Variants in RPS6KC1 observed in about 807,000 individuals in gnomAD.
RPS6KC1 encodes the protein ribosomal protein S6 kinase C1, also known as inactive ribosomal protein S6 kinase delta-1.
In RPS6KC1, 54 loss-of-function variants were observed where a neutral mutation model predicts 103.8. The ratio of observed to expected loss-of-function variants is 0.52; its 90% CI spans 0.42 to 0.65. The LOEUF is 0.65. RPS6KC1 is among the 30% of genes least tolerant of loss of function. RPS6KC1 has a pLI of 0.00. For missense variants in RPS6KC1, 1,151 were observed against 1,253.8 expected (o/e 0.92, Z 1.24); for synonymous variants, 439 against 438.7 (o/e 1.00, Z -0.01).
At chr1:213,831,615 C>T in the RPS6KC1 span, among the ~76,000 whole-genome samples, 1 of 152,038 alleles carries the variant, frequency 6.6e-6, no homozygotes, top group African/African-American at 2.4e-5. Flanking sequence ...TAGCTTTCTC[C>T]TATGGAAACA....
chr1:213,396,502 T>C, the RPS6KC1 span, among the ~76,000 whole-genome samples: 3 of 152,210 alleles, frequency 2.0e-5, no homozygotes. Flanking sequence ...GGGCTGAGGC[T>C]GGACCACCGA....
chr1:213,490,848 G>T, the RPS6KC1 span, among the ~76,000 whole-genome samples: 2 of 152,144 alleles, frequency 1.3e-5, no homozygotes, highest in South Asian at 2.1e-4. Context: ...GGGGAAGTTC[G>T]CAGAATGGTT....
intron 8 of RPS6KC1, among the ~76,000 whole-genome samples, chr1:213,189,828 A>G (rs752808106): frequency 2.0e-5 from 3 of 152,090 alleles, no homozygotes; most frequent in Admixed American, 1.3e-4. Context: ...TCTGGTAACC[A>G]TCCTTCTACT....
chr1:213,765,326 C>G, the RPS6KC1 span, among the ~76,000 whole-genome samples: 2 of 152,132 alleles, frequency 1.3e-5, no homozygotes, highest in African/African-American at 2.4e-5. Context: ...AATCCCTCTC[C>G]GGGGAAAAAG....
chr1:213,272,606 C>T lies in RPS6KC1; in HGVS notation c.3173C>T (p.Pro1058Leu), dbSNP rs1468038637. 1.9e-6 allele frequency: 3 copies of T among 1,613,586 alleles called. No homozygotes were observed. The highest frequency in any genetic ancestry group is 1.7e-5 in the Admixed American group (1 of 60,014). Residue 1058 changes from proline to leucine, a missense_variant, in exon 15 of 15, where the codon CCT becomes CTT. This residue lies in a region of RPS6KC1 where 189 missense variants were observed against 228.8 expected (regional missense o/e 0.83). Coordinates refer to ENST00000366960, the MANE Select transcript of RPS6KC1 (RefSeq NM_012424.6). ...ATCAAATCTCATCCATTTTTTACCC[C>T]TGTGGATTGGGCAGAACTGATGAGA... is the stretch of plus-strand genomic sequence containing the variant. ...EDIKSHPFFT[P>L]VDWAELMR is the part of the protein sequence containing the mutation.
chr1:213,069,065 CAAAAATTTTTTTGAATT>C (rs2078628670), intron 1 of RPS6KC1, among the ~76,000 whole-genome samples: 1 of 151,816 alleles, frequency 6.6e-6, no homozygotes, highest in Non-Finnish European at 1.5e-5. Context: ...CTCTTTAATA[CAAAAATTTTTTTGAATT>C]AATTTAAATG....
At chr1:213,631,668 G>A in the RPS6KC1 span, among the ~76,000 whole-genome samples, 1 of 152,000 alleles carries the variant, frequency 6.6e-6, no homozygotes, top group Non-Finnish European at 1.5e-5. Flanking sequence ...TCCACCAGTA[G>A]CCTTCTAGTG....
chr1:213,851,492 CTT>C, the RPS6KC1 span, among the ~76,000 whole-genome samples: 2 of 152,186 alleles, frequency 1.3e-5, no homozygotes, highest in Admixed American at 6.5e-5. Flanking sequence ...GACACCCTCT[CTT>C]GACTCCAGGT....
intron 3 of RPS6KC1, among the ~76,000 whole-genome samples, chr1:213,087,869 C>A (rs1382033055): frequency 6.6e-6 from 1 of 152,168 alleles, no homozygotes; most frequent in Non-Finnish European, 1.5e-5. Flanking sequence ...TTCCTGTGTC[C>A]CTTGTTCCCC....
chr1:213,255,754 T>G (rs2094627913), intron 12 of RPS6KC1, among the ~76,000 whole-genome samples: 1 of 152,230 alleles, frequency 6.6e-6, no homozygotes, highest in Non-Finnish European at 1.5e-5. Context: ...TTTTTTCTGT[T>G]TTAACACCTA....
the RPS6KC1 span, chr1:213,821,687 C>G: frequency 1.1e-4 from 16 of 152,322 alleles, no homozygotes; most frequent in Admixed American, 7.9e-4. Flanking sequence ...CTGTTTCCCC[C>G]CCACACGTCT....
At chr1:213,412,299 A>G in the RPS6KC1 span, among the ~76,000 whole-genome samples, 1 of 152,220 alleles carries the variant, frequency 6.6e-6, no homozygotes, top group African/African-American at 2.4e-5. Context: ...TTAGAGAAAG[A>G]AGGCTTCACA....
the RPS6KC1 span, among the ~76,000 whole-genome samples, chr1:213,802,123 C>T: frequency 4.6e-5 from 7 of 152,158 alleles, no homozygotes; most frequent in East Asian, 5.8e-4. Flanking sequence ...GAAGAAGGAC[C>T]TGCTATGCCT....
the RPS6KC1 span, among the ~76,000 whole-genome samples, chr1:213,637,967 C>T: frequency 6.6e-6 from 1 of 151,964 alleles, no homozygotes; most frequent in Non-Finnish European, 1.5e-5. Context: ...TAGCTGTGCA[C>T]CATCACACCT....
chr1:213,776,534 C>A, the RPS6KC1 span, among the ~76,000 whole-genome samples: 1 of 152,134 alleles, frequency 6.6e-6, no homozygotes. Context: ...AGTCAGTAAA[C>A]CAGGCTGTAA....
intron 3 of RPS6KC1, among the ~76,000 whole-genome samples, chr1:213,083,233 G>C (rs1440185688): frequency 6.6e-6 from 1 of 152,196 alleles, no homozygotes; most frequent in African/African-American, 2.4e-5. Context: ...CACACACCTT[G>C]CTGTTTTTCA....
the RPS6KC1 span, among the ~76,000 whole-genome samples, chr1:213,460,764 C>T: frequency 2.0e-5 from 3 of 152,080 alleles, no homozygotes; most frequent in Non-Finnish European, 4.4e-5. Flanking sequence ...CCTTCAGGAG[C>T]TCTTGTAAGA....
intron 8 of RPS6KC1, among the ~76,000 whole-genome samples, chr1:213,203,668 A>G (rs756190706): frequency 3.9e-5 from 6 of 152,140 alleles, no homozygotes; most frequent in Admixed American, 2.0e-4. Flanking sequence ...CATGTTCATT[A>G]TAGAAAAATC....
intron 10 of RPS6KC1, among the ~76,000 whole-genome samples, chr1:213,232,473 T>C (rs1179665800): frequency 6.6e-6 from 1 of 152,242 alleles, no homozygotes; most frequent in Non-Finnish European, 1.5e-5. Flanking sequence ...TTTGTAGATT[T>C]ACTTCACTAC....
Sources: gnomAD v4.1 joint callset for allele counts (sites outside exome capture counted in the v4.1 genomes callset) on GRCh38, gnomAD v4.1.1 for gene constraint, gnomAD v4.1.1 regional missense constraint, MANE v1.5 for transcripts, NCBI Gene and HGNC (gene_info 2026-07-23, HGNC 2026-07-21) for gene names.